Variants in HOOK3 observed in about 807,000 individuals in gnomAD.
HOOK3 encodes the protein hook microtubule tethering protein 3.
Under a neutral mutation model 116.3 loss-of-function variants are expected in HOOK3, and 24 were observed. The ratio of observed to expected loss-of-function variants is 0.21; its 90% CI spans 0.15 to 0.29. HOOK3 has a LOEUF of 0.29. Ranked by LOEUF, HOOK3 falls within the 10% of genes least tolerant of loss-of-function variation. The pLI is 1.00. For synonymous variants in HOOK3, 275 were observed against 283.0 expected (o/e 0.97, Z 0.28); for missense variants, 632 against 830.2 (o/e 0.76, Z 2.93).
chr8:42,987,674 T>C (rs1809073836), intron 15 of HOOK3, among the ~76,000 whole-genome samples: 1 of 152,216 alleles, frequency 6.6e-6, no homozygotes, highest in Admixed American at 6.5e-5. Flanking sequence ...TTTCTGCTTG[T>C]AAGTTTTCAG....
rs770751494 is a variant in HOOK3, at chr8:43,026,138, C to T, written c.*7640C>T. 5 of 206,940 alleles carry T rather than the reference C, an allele frequency of 2.4e-5. No homozygotes were observed. The highest frequency in any genetic ancestry group is 4.9e-5 in the Non-Finnish European group (5 of 101,670). 12.8% of individuals were successfully genotyped at this position (206,940 alleles called of 1,614,324 possible). ...CTAGCTTGATGAAGGAAAATAATTA[C>T]TTTAGCAGTTATGTTGTAAAATTAA... On this transcript the variant is annotated 3_prime_UTR_variant, in exon 22 of 22. Transcript: ENST00000307602.
chr8:42,995,222 T>C (rs1384250299), intron 15 of HOOK3, among the ~76,000 whole-genome samples: 9 of 152,214 alleles, frequency 5.9e-5, no homozygotes, highest in Admixed American at 5.9e-4. Context: ...ATTAAACTGT[T>C]TGGCTGTTTG....
chr8:42,906,101 A>AG, intron 1 of HOOK3, 72 bp from the exon 2 acceptor site: 1 of 863,252 alleles, frequency 1.2e-6, no homozygotes, highest in African/African-American at 1.8e-5. Context: ...AAAAAAAAAA[A>AG]AAAAGGCCTA....
chr8:43,014,447 G>A (rs1809672211), intron 21 of HOOK3, among the ~76,000 whole-genome samples: 1 of 151,756 alleles, frequency 6.6e-6, no homozygotes, highest in Non-Finnish European at 1.5e-5. Flanking sequence ...CGCCTCCCAG[G>A]TTCAAGCGAT....
intron 9 of HOOK3, among the ~76,000 whole-genome samples, chr8:42,965,299 G>A (rs1808612213): frequency 1.3e-5 from 2 of 152,000 alleles, no homozygotes; most frequent in Admixed American, 1.3e-4. Flanking sequence ...AAAGACAGAT[G>A]CATTTATAGA....
chr8:43,007,493 G>A, intron 17 of HOOK3, among the ~76,000 whole-genome samples: 1 of 152,180 alleles, frequency 6.6e-6, no homozygotes, highest in South Asian at 2.1e-4. Context: ...TTTATTGATA[G>A]GTAGTGTTCT....
chr8:43,005,197 C>CTATATA (rs1311073240), intron 17 of HOOK3, among the ~76,000 whole-genome samples: 42 of 56,878 alleles, frequency 7.4e-4, no homozygotes, highest in African/African-American at 1.4e-3. Context: ...CTCTCTCTCT[C>CTATATA]TCTATATATA....
At chr8:42,914,729 CA>C (rs1445639322) in intron 2 of HOOK3, among the ~76,000 whole-genome samples, 1 of 152,164 alleles carries the variant, frequency 6.6e-6, no homozygotes, top group Non-Finnish European at 1.5e-5. Context: ...ATCACTTTAC[CA>C]GTTCTCCCCT....
Position 42,900,715 on chromosome 8 carries a change from A to G in HOOK3, c.57+3527A>G, listed in dbSNP as rs1481096898. Among the ~76,000 whole-genome samples, 3 of 152,204 alleles carry G rather than the reference A, an allele frequency of 2.0e-5. No individual in the cohort carries two copies. In the East Asian group the frequency reaches 5.8e-4, roughly 29 times the overall value. On this transcript the variant is annotated intron_variant, in intron 1 of 21. Transcript: ENST00000307602. ...CTGACATTAGGCAGCCTGGGTTCAA[A>G]TCCTAGTTTTGTTCTATACTAACTG...
chr8:42,946,608 G>T (rs1808232014), intron 5 of HOOK3, among the ~76,000 whole-genome samples: 1 of 151,424 alleles, frequency 6.6e-6, no homozygotes, highest in Non-Finnish European at 1.5e-5. Context: ...CTTGTTGTTT[G>T]TACTTTTTTG....
At chr8:42,900,325 T>A (rs1373888002) in intron 1 of HOOK3, among the ~76,000 whole-genome samples, 1 of 152,190 alleles carries the variant, frequency 6.6e-6, no homozygotes, top group Non-Finnish European at 1.5e-5. Flanking sequence ...TCTTGAACTG[T>A]ATGTGAATCT....
intron 8 of HOOK3, among the ~76,000 whole-genome samples, chr8:42,963,895 T>G (rs1237970711): frequency 1.3e-5 from 2 of 152,130 alleles, no homozygotes; most frequent in African/African-American, 4.8e-5. Flanking sequence ...AAGTAGAGAT[T>G]GATTGTACTT....
rs1809768927 is a variant in HOOK3, at chr8:43,018,866, G to C, written c.*368G>C. The stretch of plus-strand genomic sequence containing the variant: ...ACAATTTATATTCTTTATTGTGCCT[G>C]TGTGTTACCATGCTAAGAATGTCTT... On this transcript the variant is annotated 3_prime_UTR_variant, in exon 22 of 22. Transcript: ENST00000307602. 2 of 235,428 alleles carry C rather than the reference G, an allele frequency of 8.5e-6. No homozygotes were observed. The allele number at this position is 235,428 out of a possible 1,614,324, so 14.6% of individuals were successfully genotyped here. A position where few individuals can be genotyped will look rare whatever the true frequency, so the allele number is the denominator to read the frequency against.
At chr8:42,899,698 T>G (rs1038544065) in intron 1 of HOOK3, among the ~76,000 whole-genome samples, 3 of 152,150 alleles carry the variant, frequency 2.0e-5, no homozygotes, top group Non-Finnish European at 4.4e-5. Flanking sequence ...TTCTAGTCAG[T>G]TTGGTTGTGT....
chr8:42,946,316 GAA>G (rs1808224663), intron 5 of HOOK3, among the ~76,000 whole-genome samples: 3 of 152,156 alleles, frequency 2.0e-5, no homozygotes, highest in African/African-American at 7.2e-5. Context: ...CAAAGCTATG[GAA>G]GACAATGGGT....
chr8:42,960,877 G>A (rs1028721522), intron 8 of HOOK3, among the ~76,000 whole-genome samples: 4 of 152,120 alleles, frequency 2.6e-5, no homozygotes, highest in African/African-American at 9.7e-5. Context: ...TTGTATTGTT[G>A]TAAAGAAATA....
chr8:42,943,216 G>A, intron 4 of HOOK3, 97 bp from the exon 5 acceptor site: 1 of 672,694 alleles, frequency 1.5e-6, no homozygotes, highest in East Asian at 3.1e-5. Flanking sequence ...TCTGTCCTTG[G>A]CAATGAGTTT....
intron 21 of HOOK3, among the ~76,000 whole-genome samples, chr8:43,014,828 A>G (rs1050793481): frequency 8.5e-5 from 13 of 152,276 alleles, no homozygotes; most frequent in Admixed American, 2.6e-4. Context: ...TTATTTTCAC[A>G]TCTGTATTTG....
intron 15 of HOOK3, among the ~76,000 whole-genome samples, chr8:42,992,218 G>C (rs1297809096): frequency 2.0e-5 from 3 of 151,230 alleles, no homozygotes; most frequent in African/African-American, 4.9e-5. Context: ...GGCGAACACG[G>C]TGAAACCCCG....
Sources: allele counts gnomAD v4.1 joint callset (sites outside exome capture counted in the v4.1 genomes callset), GRCh38; gene constraint gnomAD v4.1.1; transcripts MANE v1.5; gene names NCBI Gene and HGNC (gene_info 2026-07-23, HGNC 2026-07-21).